BAD: variants seen among roughly 807,000 people sequenced by gnomAD.
The protein encoded by BAD is BCL2 associated agonist of cell death.
Under a neutral mutation model 17.8 loss-of-function variants are expected in BAD, and 18 were observed. That is an observed-to-expected ratio of 1.01 (90% CI 0.70 to 1.50). The LOEUF (loss-of-function observed/expected upper bound fraction) is 1.50, where lower values mean the gene tolerates loss of function less well. Among genes scored for constraint, BAD ranks in the 40% most tolerant of loss-of-function variants. The probability of loss-of-function intolerance (pLI) is 0.00; values close to 1 mark genes in which losing one functional copy is unlikely to be tolerated. For missense variants in BAD, 294 were observed against 239.3 expected (o/e 1.23, Z -1.51); for synonymous variants, 112 against 91.5 (o/e 1.22, Z -1.28).
intron 2 of BAD, among the ~76,000 whole-genome samples, chr11:64,280,035 T>A (rs979421000): frequency 3.3e-5 from 5 of 151,222 alleles, no homozygotes; most frequent in South Asian, 2.1e-4. Context: ...AATAATAATT[T>A]GGCCAGGCGC....
chr11:64,274,916 C>T (rs762260978), intron 2 of BAD, among the ~76,000 whole-genome samples: 15 of 132,310 alleles, frequency 1.1e-4, no homozygotes, highest in African/African-American at 4.3e-4. Flanking sequence ...ACCTGGGAGG[C>T]GGAGGTTGCA....
At chr11:64,280,359 T>TAAA (rs398115461) in intron 2 of BAD, among the ~76,000 whole-genome samples, 1 of 113,340 alleles carries the variant, frequency 8.8e-6, no homozygotes, top group Non-Finnish European at 1.9e-5. Context: ...ATAATAATAA[T>TAAA]TTTTTTTTTT....
chr11:64,273,479 G>A (rs1336528554), intron 2 of BAD, among the ~76,000 whole-genome samples: 1 of 152,140 alleles, frequency 6.6e-6, no homozygotes, highest in Non-Finnish European at 1.5e-5. Flanking sequence ...TTTGAACTGT[G>A]CTCTGTGCCA....
chr11:64,277,970 A>C (rs943064004), intron 2 of BAD, among the ~76,000 whole-genome samples: 2 of 152,120 alleles, frequency 1.3e-5, no homozygotes, highest in Admixed American at 1.3e-4. Context: ...TACAAAATAT[A>C]GTTCTTTGGA....
At chr11:64,282,032 T>C (rs1295920048) in intron 2 of BAD, among the ~76,000 whole-genome samples, 1 of 152,198 alleles carries the variant, frequency 6.6e-6, no homozygotes, top group African/African-American at 2.4e-5. Context: ...CTTAACTCTT[T>C]TACATGCTGC....
At chr11:64,283,773 C>T (rs936576009) in intron 2 of BAD, among the ~76,000 whole-genome samples, 1 of 152,130 alleles carries the variant, frequency 6.6e-6, no homozygotes, top group African/African-American at 2.4e-5. Context: ...GATTTCTGTC[C>T]TAACCCCACA....
At chr11:64,275,566 G>A (rs1269382063) in intron 2 of BAD, 1 of 152,214 alleles carries the variant, frequency 6.6e-6, no homozygotes, top group Non-Finnish European at 1.5e-5. Flanking sequence ...CCAGCCAGGT[G>A]AATATCCAGC....
chr11:64,270,117 T>G lies in BAD; in HGVS notation c.*92A>C. The G allele has an allele frequency of 6.3e-7, 1 of 1,586,506 alleles. No individual in the cohort carries two copies. The highest frequency in any genetic ancestry group is 1.7e-4 in the Middle Eastern group (1 of 6,024). ...AAGGAGACAGCACGGATCCTCTTTT[T>G]GCATAGGCCTGAGGGAAGTACTTCC... On this transcript the variant is annotated 3_prime_UTR_variant, in exon 4 of 4. Coordinates refer to ENST00000309032, the MANE Select transcript of BAD (RefSeq NM_032989.3).
chr11:64,273,838 C>G (rs1420793487), intron 2 of BAD, among the ~76,000 whole-genome samples: 1 of 140,606 alleles, frequency 7.1e-6, no homozygotes, highest in African/African-American at 2.7e-5. Flanking sequence ...GCCAAGATCA[C>G]GCCACTGCAC....
At chr11:64,282,219 G>A (rs1341228746) in intron 2 of BAD, among the ~76,000 whole-genome samples, 2 of 152,176 alleles carry the variant, frequency 1.3e-5, no homozygotes, top group Non-Finnish European at 1.5e-5. Context: ...ACTGTGTGGC[G>A]CGAGTGAATG....
Position 64,270,032 on chromosome 11 carries a change from G to T in BAD, c.*177C>A. On this transcript the variant is annotated 3_prime_UTR_variant, in exon 4 of 4. Transcript: ENST00000309032. Reference sequence around the variant, plus strand: ...GCGGAAAACCCAAAACTTCCGATGGGACCAAGCCTTCCGTGGCTTCACACG... The same window carrying T: ...GCGGAAAACCCAAAACTTCCGATGGTACCAAGCCTTCCGTGGCTTCACACG... 2 of 1,234,442 alleles carry T rather than the reference G, an allele frequency of 1.6e-6. No homozygotes were observed. The highest frequency in any genetic ancestry group is 2.3e-6 in the Non-Finnish European group (2 of 879,092). The allele number at this position is 1,234,442 out of a possible 1,614,324, so 76.5% of individuals were successfully genotyped here. A position where few individuals can be genotyped will look rare whatever the true frequency, so the allele number is the denominator to read the frequency against.
intron 3 of BAD, chr11:64,270,545 C>T (rs1487627458): frequency 2.7e-6 from 2 of 746,632 alleles, no homozygotes; most frequent in Non-Finnish European, 4.6e-6. Context: ...CCCAGGAACT[C>T]CGTGCCGGAG....
intron 2 of BAD, among the ~76,000 whole-genome samples, chr11:64,281,933 A>T (rs2033505215): frequency 6.6e-6 from 1 of 152,068 alleles, no homozygotes; most frequent in Admixed American, 6.6e-5. Context: ...GTTGGCCAGG[A>T]TGGTCTCCAT....
intron 1 of BAD, 26 bp from the exon 2 acceptor site, chr11:64,284,402 C>G (rs2033705936): frequency 1.2e-6 from 2 of 1,611,068 alleles, no homozygotes; most frequent in East Asian, 4.5e-5. Flanking sequence ...GTTACGTAGT[C>G]AAGGCACAGC....
rs968135554 is a variant in BAD, at chr11:64,274,820, C to CA, written c.188-3018dup. Among the ~76,000 whole-genome samples, 97 of 135,772 alleles carry CA rather than the reference C, an allele frequency of 7.1e-4. 2 individuals are homozygous for CA. The highest frequency in any genetic ancestry group is 5.6e-3 in the South Asian group (24 of 4,250). The allele number at this position is 135,772 out of a possible 152,430, so 89.1% of individuals were successfully genotyped here. A position where few individuals can be genotyped will look rare whatever the true frequency, so the allele number is the denominator to read the frequency against. ...TGGGTGGCAGAGTGAGACTCTGTCT[C>CA]AAAAAAAAAAAGAAACTAGCCAGGC... is the stretch of plus-strand genomic sequence containing the variant. On this transcript the variant is annotated intron_variant, in intron 2 of 3. Coordinates refer to ENST00000309032, the MANE Select transcript of BAD (RefSeq NM_032989.3).
In BAD at chr11:64,269,939, G is replaced by A. The variant is rs1050029; in HGVS notation, c.*270C>T. On this transcript the variant is annotated 3_prime_UTR_variant, in exon 4 of 4. Coordinates refer to ENST00000309032, the MANE Select transcript of BAD (RefSeq NM_032989.3). ...ACGGTTAAACCTGGCTCGCGACTTA[G>A]CGCAGGCGCCTGGGGGAAAGCCCGG... 1 of 718,640 alleles carries A rather than the reference G, an allele frequency of 1.4e-6. No homozygotes were observed. Among genetic ancestry groups the A allele is most frequent in the Admixed American group, 2.1e-5 (1 of 48,524 alleles). 44.5% of individuals were successfully genotyped at this position (718,640 alleles called of 1,614,324 possible).
intron 2 of BAD, among the ~76,000 whole-genome samples, chr11:64,276,017 A>G (rs1260367032): frequency 2.6e-5 from 4 of 152,062 alleles, no homozygotes; most frequent in Non-Finnish European, 5.9e-5. Flanking sequence ...TCCCAACCCA[A>G]CCAATGTGGC....
Position 64,284,351 on chromosome 11 carries a change from C to T in BAD, c.18G>A (p.Glu6=), listed in dbSNP as rs34882006. 58,655 of 1,612,914 alleles carry T rather than the reference C, an allele frequency of 0.036. 1,253 individuals carry two copies. Among genetic ancestry groups the T allele is most frequent in the Non-Finnish European group, 0.042 (49,959 of 1,179,972 alleles). MFQIP[E]FEPSEQEDSS... is the part of the protein sequence containing the mutation. ...AGTCTTCCTGCTCACTCGGCTCAAA[C>T]TCTGGGATCTGGAACATGCTCTGGG... is the stretch of plus-strand genomic sequence containing the variant. Residue 6 remains glutamate (E), a synonymous_variant, in exon 2 of 4, where the codon GAG becomes GAA. Coordinates refer to ENST00000309032, the MANE Select transcript of BAD (RefSeq NM_032989.3).
chr11:64,272,959 C>G (rs995407463), intron 2 of BAD: 20 of 152,366 alleles, frequency 1.3e-4, no homozygotes, highest in African/African-American at 4.6e-4. Context: ...GGCGTGATTC[C>G]TCACGCCTGT....
Sources: allele counts gnomAD v4.1 joint callset (sites outside exome capture counted in the v4.1 genomes callset), GRCh38; gene constraint gnomAD v4.1.1; transcripts MANE v1.5; gene names NCBI Gene and HGNC (gene_info 2026-07-23, HGNC 2026-07-21).